The following EIF4A3 variants were observed in gnomAD, a reference collection of about 807,000 sequenced individuals.
EIF4A3 encodes the protein eukaryotic translation initiation factor 4A3, also known as eukaryotic initiation factor 4A-III.
EIF4A3 carries 1 observed loss-of-function variant against 55.6 expected under a neutral mutation model. The ratio of observed to expected loss-of-function variants is 0.02; its 90% CI spans 0.01 to 0.09. The LOEUF is 0.09. EIF4A3 is among the 10% of genes least tolerant of loss of function. EIF4A3 has a pLI of 1.00. For missense variants in EIF4A3, 221 were observed against 540.7 expected, an observed-to-expected ratio of 0.41 and a Z score of 5.86; for synonymous variants, 194 against 196.3, an observed-to-expected ratio of 0.99 and a Z score of 0.10.
chr17:80,134,691 G>T lies in EIF4A3; in HGVS notation c.*799C>A, dbSNP rs960451629. Among the ~76,000 whole-genome samples, 1 of 152,146 alleles carries T rather than the reference G, an allele frequency of 6.6e-6. No homozygotes were observed. Among genetic ancestry groups the T allele is most frequent in the African/African-American group, 2.4e-5 (1 of 41,416 alleles). ...ATTTAAATATTAGCCAGATGTGCTG[G>T]CATGCACCTGTAGTCCCAGCTACTC... On this transcript the variant is annotated 3_prime_UTR_variant, in exon 12 of 12. Coordinates refer to ENST00000649764, the MANE Select transcript of EIF4A3 (RefSeq NM_014740.4).
Position 80,136,283 on chromosome 17 carries a change from C to T in EIF4A3, c.1036G>A (p.Val346Met). The change falls in exon 10 of 12, where the codon GTG becomes ATG. Residue 346 changes from valine (V) to methionine (M), a missense_variant. Physicochemically the swap from Val to Met is conservative, Grantham distance 21. This residue lies in a region of EIF4A3 where 93 missense variants were observed against 278.5 expected (regional missense o/e 0.33). Transcript: ENST00000649764. ...AGATCATAGTTAATGATGAGGGACA[C>T]CTGAGGGACATCCAACCCCCTGGCC... ...VWARGLDVPQ[V>M]SLIINYDLPN... The T allele has an allele frequency of 6.2e-7, 1 of 1,614,094 alleles. No homozygotes were observed. Among genetic ancestry groups the T allele is most frequent in the Non-Finnish European group, 8.5e-7 (1 of 1,180,000 alleles).
rs1037681256 is a variant in EIF4A3 at position 80,134,371 on chromosome 17, TC to T, written c.*1118del. 2.0e-5 allele frequency among the ~76,000 whole-genome samples: 3 copies of T among 152,228 alleles called. No individual in the cohort carries two copies. The highest frequency in any genetic ancestry group is 7.2e-5 in the African/African-American group (3 of 41,444). On this transcript the variant is annotated 3_prime_UTR_variant, in exon 12 of 12. Coordinates refer to ENST00000649764, the MANE Select transcript of EIF4A3 (RefSeq NM_014740.4). ...GCTACAGGTAATTACTTTAAATATT[TC>T]AACAGATAACTTAAATACTTTAATA...
At chr17:80,138,095 A>T (rs749139245) in intron 8 of EIF4A3, 47 bp downstream of exon 8, 3 of 1,588,406 alleles carry the variant, frequency 1.9e-6, no homozygotes, top group Non-Finnish European at 2.6e-6. Flanking sequence ...CAGAGACTCA[A>T]TCTGCAGTTT....
At chr17:80,144,269 C>A (rs1037579357) in intron 1 of EIF4A3, 25 bp from the exon 2 acceptor site, 1 of 1,611,340 alleles carries the variant, frequency 6.2e-7, no homozygotes, top group South Asian at 1.1e-5. Context: ...AAAAAATTAG[C>A]CCTCACCACA....
rs1159575359 is a variant in EIF4A3, at chr17:80,146,787, G to A, written c.169+6C>T. The A allele has an allele frequency of 6.2e-7, 1 of 1,604,030 alleles. No individual in the cohort carries two copies. On this transcript the variant is annotated splice_donor_region_variant and intron_variant, in intron 1 of 11. Coordinates refer to ENST00000649764, the MANE Select transcript of EIF4A3 (RefSeq NM_014740.4). ...CGGCTGGCCCCCGCGGCCCGCGCCC[G>A]CTCACCGTAAGCGTAGATGCCCCGC...
rs1022155979 is a variant in EIF4A3 at position 80,139,737 on chromosome 17, G to A, written c.519C>T (p.Arg173=). ...TGATAGCACGTGTCCTTAGGCTTCT[G>A]CGACGAATCATATCTATAACATGAG... ...TPGRVFDMIR[R]RSLRTRAIKM... The change falls in exon 6 of 12, where the codon CGC becomes CGT. Residue 173 remains arginine (R), a synonymous_variant. Transcript: ENST00000649764. The A allele has an allele frequency of 2.2e-5, 35 of 1,613,338 alleles. No individual in the cohort carries two copies. Among genetic ancestry groups the A allele is most frequent in the Non-Finnish European group, 3.0e-5 (35 of 1,179,798 alleles).
chr17:80,140,305 T>A, intron 4 of EIF4A3, 165 bp from the exon 5 acceptor site: 1 of 888,186 alleles, frequency 1.1e-6, no homozygotes, highest in Non-Finnish European at 1.5e-6. Flanking sequence ...AAAAACAAGT[T>A]AATTTTGCTT....
At position 80,139,755 on chromosome 17, in the gene EIF4A3, A is replaced by G. The variant is rs370675851; in HGVS notation, c.506-5T>C. 6.3e-5 allele frequency: 102 copies of G among 1,612,178 alleles called. 2 individuals carry two copies. The South Asian group carries it at 1.1e-3, about 17-fold the overall frequency. On this transcript the variant is annotated splice_polypyrimidine_tract_variant and splice_region_variant and intron_variant, in intron 5 of 11. Transcript: ENST00000649764. ...GGCTTCTGCGACGAATCATATCTAT[A>G]ACATGAGATTTTGAAATACTTACGA...
At chr17:80,140,363 G>T (rs2039607639) in intron 4 of EIF4A3, 7 of 419,966 alleles carry the variant, frequency 1.7e-5, no homozygotes, top group Non-Finnish European at 2.4e-5. Context: ...GCCCATGCTG[G>T]GGGGCAGCAG....
intron 2 of EIF4A3, among the ~76,000 whole-genome samples, chr17:80,143,247 C>A (rs1277339140): frequency 6.6e-6 from 1 of 152,122 alleles, no homozygotes; most frequent in African/African-American, 2.4e-5. Flanking sequence ...CCCTTGGAGG[C>A]TGCACCCCTC....
intron 1 of EIF4A3, among the ~76,000 whole-genome samples, chr17:80,145,497 G>C (rs531183500): frequency 2.0e-5 from 3 of 152,304 alleles, no homozygotes; most frequent in African/African-American, 7.2e-5. Flanking sequence ...CCCAGAAGTG[G>C]AAGTTGCAAT....
At chr17:80,138,579 T>G (rs1022182699) in intron 7 of EIF4A3, 9 of 392,408 alleles carry the variant, frequency 2.3e-5, no homozygotes. Context: ...CAAACCACAA[T>G]GAGGATTATA....
In EIF4A3 at chr17:80,146,821, C is replaced by T. The variant is rs2039668730; in HGVS notation, c.141G>A (p.Glu47=). 1 of 1,610,634 alleles carries T rather than the reference C, an allele frequency of 6.2e-7. No homozygotes were observed. The highest frequency in any genetic ancestry group is 8.5e-7 in the Non-Finnish European group (1 of 1,179,050). Residue 47 remains glutamate (E), a synonymous_variant, in exon 1 of 12, where the codon GAG becomes GAA. Transcript: ENST00000649764. The part of the protein sequence containing the change: ...TPTFDTMGLR[E]DLLRGIYAYG... ...AAGCGTAGATGCCCCGCAGCAGGTCCTCCCGCAGGCCCATGGTGTCGAACG... is the reference window on the plus strand; with the variant it reads ...AAGCGTAGATGCCCCGCAGCAGGTCTTCCCGCAGGCCCATGGTGTCGAACG...
intron 2 of EIF4A3, 141 bp downstream of exon 2, chr17:80,144,028 GTAT>G: frequency 2.6e-6 from 2 of 755,226 alleles, no homozygotes; most frequent in Non-Finnish European, 2.2e-6. Context: ...ATTTAAAAAA[GTAT>G]TAAACCCTGT....
chr17:80,137,767 G>T (rs2039584911), intron 8 of EIF4A3, among the ~76,000 whole-genome samples: 1 of 152,044 alleles, frequency 6.6e-6, no homozygotes, highest in Admixed American at 6.6e-5. Context: ...TTTGAAATTT[G>T]AATTCCAATC....
Position 80,144,211 on chromosome 17 carries a change from G to C in EIF4A3, c.203C>G (p.Ala68Gly). Residue 68 changes from alanine to glycine, a missense_variant, in exon 2 of 12, where the codon GCA (alanine) becomes GGA (glycine). Physicochemically the swap from Ala to Gly is moderately conservative, Grantham distance 60. Transcript: ENST00000649764. ...TCTCCCTTTGATGATCTGCTTGATT[G>C]CTCGTTGCTGGATTGCTGATGGTTT... ...FEKPSAIQQR[A>G]IKQIIKGRDV... The C allele has an allele frequency of 1.2e-6, 2 of 1,613,974 alleles. No homozygotes were observed. The highest frequency in any genetic ancestry group is 1.3e-5 in the African/African-American group (1 of 74,974).
At chr17:80,135,922 A>G in intron 11 of EIF4A3, 82 bp downstream of exon 11, 1 of 1,545,166 alleles carries the variant, frequency 6.5e-7, no homozygotes, top group East Asian at 2.3e-5. Flanking sequence ...ACCCACAACA[A>G]CAAAAAAACA....
chr17:80,144,189 C>T lies in EIF4A3; in HGVS notation c.225G>A (p.Gly75=), dbSNP rs1206266460. 1 of 1,613,928 alleles carries T rather than the reference C, an allele frequency of 6.2e-7. No individual in the cohort carries two copies. Among genetic ancestry groups the T allele is most frequent in the Non-Finnish European group, 8.5e-7 (1 of 1,180,016 alleles). ...QQRAIKQIIK[G]RDVIAQSQSG... Reference sequence around the variant, plus strand: ...CAACTTACTGTGCGATGACATCTCTCCCTTTGATGATCTGCTTGATTGCTC... The same window carrying T: ...CAACTTACTGTGCGATGACATCTCTTCCTTTGATGATCTGCTTGATTGCTC... Residue 75 remains glycine (G), a synonymous_variant, in exon 2 of 12, where the codon GGG becomes GGA. Coordinates refer to ENST00000649764, the MANE Select transcript of EIF4A3 (RefSeq NM_014740.4).
At chr17:80,141,633 G>C (rs1475223863) in intron 3 of EIF4A3, 149 bp downstream of exon 3, 2 of 766,644 alleles carry the variant, frequency 2.6e-6, no homozygotes, top group African/African-American at 1.8e-5. Context: ...GCATATATTA[G>C]TGTACAACTA....
Sources: allele counts gnomAD v4.1 joint callset (sites outside exome capture counted in the v4.1 genomes callset), GRCh38; gene constraint gnomAD v4.1.1; regional missense constraint gnomAD v4.1.1; transcripts MANE v1.5; gene names NCBI Gene and HGNC (gene_info 2026-07-23, HGNC 2026-07-21).